PARVA: variants seen among roughly 807,000 people sequenced by gnomAD.
The protein encoded by PARVA is alpha-parvin.
PARVA carries 25 observed loss-of-function variants against 52.6 expected under a neutral mutation model. That is an observed-to-expected ratio of 0.48 (90% CI 0.35 to 0.66). The LOEUF is 0.66. PARVA is among the 30% of genes least tolerant of loss of function. PARVA has a pLI of 0.01. For synonymous variants in PARVA, 185 were observed against 179.1 expected (o/e 1.03, Z -0.26); for missense variants, 373 against 450.9 (o/e 0.83, Z 1.56).
chr11:12,431,322 C>T (rs1940312615), intron 1 of PARVA, among the ~76,000 whole-genome samples: 1 of 152,160 alleles, frequency 6.6e-6, no homozygotes, highest in Non-Finnish European at 1.5e-5. Flanking sequence ...ACCCCTGCGT[C>T]CATTCTTTCA....
chr11:12,479,771 GTATA>G (rs1190809197), intron 4 of PARVA: 1 of 152,168 alleles, frequency 6.6e-6, no homozygotes, highest in African/African-American at 2.4e-5. Context: ...ATACATGTAA[GTATA>G]TATACATGCC....
chr11:12,426,451 C>T (rs1279381036), intron 1 of PARVA, among the ~76,000 whole-genome samples: 2 of 151,976 alleles, frequency 1.3e-5, no homozygotes, highest in Non-Finnish European at 2.9e-5. Context: ...CCTTATGATC[C>T]AGGGCAGAGT....
At chr11:12,385,129 A>G (rs1939555218) in intron 1 of PARVA, among the ~76,000 whole-genome samples, 1 of 152,092 alleles carries the variant, frequency 6.6e-6, no homozygotes, top group Admixed American at 6.5e-5. Flanking sequence ...TGAGCTCAGG[A>G]GTTCAAGACC....
At chr11:12,392,291 C>T (rs1472956570) in intron 1 of PARVA, among the ~76,000 whole-genome samples, 4 of 139,494 alleles carry the variant, frequency 2.9e-5, no homozygotes, top group Admixed American at 1.5e-4. Flanking sequence ...TTTCCTGAGA[C>T]GGAGTCTTGC....
chr11:12,518,852 G>T (rs1206635291), intron 12 of PARVA, among the ~76,000 whole-genome samples: 1 of 152,184 alleles, frequency 6.6e-6, no homozygotes, highest in Admixed American at 6.5e-5. Context: ...CTGTGTCCCC[G>T]CCAGTCGGGG....
chr11:12,436,361 C>T (rs1342796908), intron 1 of PARVA, among the ~76,000 whole-genome samples: 1 of 152,146 alleles, frequency 6.6e-6, no homozygotes, highest in Non-Finnish European at 1.5e-5. Flanking sequence ...TTGCTGGTCT[C>T]AGACTACGGA....
chr11:12,493,391 A>G (rs1941257171), intron 4 of PARVA, among the ~76,000 whole-genome samples: 1 of 151,842 alleles, frequency 6.6e-6, no homozygotes, highest in Admixed American at 6.6e-5. Context: ...TAACACACAC[A>G]CAATAAGGAT....
At chr11:12,513,160 G>A (rs2243707) in intron 8 of PARVA, 139 bp from the exon 9 acceptor site, 546,892 of 778,384 alleles carry the variant, frequency 0.7, 193,338 homozygotes, top group East Asian at 0.82. Context: ...CAGAGTTCCC[G>A]GCACAGTCTA....
intron 1 of PARVA, among the ~76,000 whole-genome samples, chr11:12,445,715 G>A (rs574877010): frequency 6.6e-6 from 1 of 152,138 alleles, no homozygotes; most frequent in Non-Finnish European, 1.5e-5. Context: ...GTTGATAGGG[G>A]CTGAAAAAAG....
intron 1 of PARVA, among the ~76,000 whole-genome samples, chr11:12,466,093 A>C (rs76384896): frequency 0.017 from 2,658 of 152,296 alleles, 103 homozygotes; most frequent in African/African-American, 0.06. Flanking sequence ...CTAATCACAA[A>C]GGATAATGAA....
chr11:12,532,923 T>G lies in PARVA; in HGVS notation c.*4998T>G, dbSNP rs16911471. ...AGGTTGCCATCTACCTTTTTAAATG[T>G]CCCACTGTGTAGGAAAACTCTGGGG... On this transcript the variant is annotated 3_prime_UTR_variant, in exon 13 of 13. Transcript: ENST00000334956. Among the ~76,000 whole-genome samples, 759 of 152,312 alleles carry G rather than the reference T, an allele frequency of 5.0e-3. 5 individuals are homozygous for G. The highest frequency in any genetic ancestry group is 0.018 in the African/African-American group (730 of 41,566).
chr11:12,427,491 A>G (rs1245703424), intron 1 of PARVA, among the ~76,000 whole-genome samples: 7 of 152,244 alleles, frequency 4.6e-5, no homozygotes, highest in African/African-American at 1.4e-4. Context: ...ATCAGCGTTA[A>G]GGATGGCCTT....
At chr11:12,392,033 A>G (rs1322447561) in intron 1 of PARVA, among the ~76,000 whole-genome samples, 3 of 151,672 alleles carry the variant, frequency 2.0e-5, no homozygotes. Context: ...CCATTTCCTA[A>G]CCCCAAGTTG....
At chr11:12,440,116 C>T (rs557261683) in intron 1 of PARVA, among the ~76,000 whole-genome samples, 3 of 152,330 alleles carry the variant, frequency 2.0e-5, no homozygotes, top group African/African-American at 7.2e-5. Context: ...GCACCTGGAA[C>T]AATTCTTGAC....
intron 1 of PARVA, among the ~76,000 whole-genome samples, chr11:12,422,048 C>G (rs1940158197): frequency 2.0e-5 from 3 of 152,324 alleles, no homozygotes; most frequent in Middle Eastern, 3.4e-3. Context: ...TCATAGTCAT[C>G]ATCTTCTATG....
At chr11:12,452,171 A>G (rs1364236897) in intron 1 of PARVA, among the ~76,000 whole-genome samples, 1 of 152,050 alleles carries the variant, frequency 6.6e-6, no homozygotes, top group African/African-American at 2.4e-5. Flanking sequence ...GGAAACAGGT[A>G]TACGGTTCCA....
intron 12 of PARVA, among the ~76,000 whole-genome samples, chr11:12,520,572 G>T (rs1237202190): frequency 6.6e-6 from 1 of 152,218 alleles, no homozygotes; most frequent in African/African-American, 2.4e-5. Flanking sequence ...TATCTGAGAT[G>T]ACTTGCTGCC....
At chr11:12,449,774 G>A (rs993394698) in intron 1 of PARVA, among the ~76,000 whole-genome samples, 2 of 152,210 alleles carry the variant, frequency 1.3e-5, no homozygotes, top group Non-Finnish European at 2.9e-5. Flanking sequence ...GGCCAGGGAT[G>A]CTATTAGACA....
rs1940107574 is a variant in PARVA, at chr11:12,418,929, A to G, written c.136+41146A>G. ...CCCTTTACATGTAGTAATTTACTTAATCCTCACAATGGTTTATGAGGTAGG... is the reference window on the plus strand; with the variant it reads ...CCCTTTACATGTAGTAATTTACTTAGTCCTCACAATGGTTTATGAGGTAGG... On this transcript the variant is annotated intron_variant, in intron 1 of 12. Transcript: ENST00000334956. Among the ~76,000 whole-genome samples the G allele has an allele frequency of 2.0e-5, 3 of 152,172 alleles. No homozygotes were observed. The South Asian group carries it at 6.2e-4, about 32-fold the overall frequency.
Sources: allele counts gnomAD v4.1 joint callset (sites outside exome capture counted in the v4.1 genomes callset), GRCh38; gene constraint gnomAD v4.1.1; transcripts MANE v1.5; gene names NCBI Gene and HGNC (gene_info 2026-07-23, HGNC 2026-07-21).